PDLIM2: variants seen among roughly 807,000 people sequenced by gnomAD.
PDLIM2 encodes PDZ and LIM domain 2.
A neutral mutation model predicts 54.1 loss-of-function variants in PDLIM2; 51 were observed. The observed-to-expected ratio is 0.94, with a 90% CI of 0.75 to 1.19. The LOEUF is 1.19. Among genes scored for constraint, PDLIM2 ranks in the 50% most tolerant of loss-of-function variants. The probability of loss-of-function intolerance (pLI) is 0.00; values close to 1 mark genes in which losing one functional copy is unlikely to be tolerated. For missense variants in PDLIM2, 912 were observed against 874.0 expected, an observed-to-expected ratio of 1.04 and a Z score of -0.55; for synonymous variants, 398 against 385.6, an observed-to-expected ratio of 1.03 and a Z score of -0.38.
chr8:22,593,332 T>C lies in PDLIM2; in HGVS notation c.1632-401T>C, dbSNP rs370998030. 3.9e-4 allele frequency: 66 copies of C among 170,300 alleles called. 1 individual carries two copies. The South Asian group carries it at 9.5e-3, about 25-fold the overall frequency. The allele number at this position is 170,300 out of a possible 1,614,324, so 10.5% of individuals were successfully genotyped here. On this transcript the variant is annotated intron_variant, in intron 9 of 9. Transcript: ENST00000308354. ...TGGCTCACGCCTGTAATCCCAGCAC[T>C]CTGGGAAGCCAAGGAGGGTGGATTA...
At chr8:22,580,585 T>G in intron 1 of PDLIM2, 1 of 1,613,928 alleles carries the variant, frequency 6.2e-7, no homozygotes, top group Non-Finnish European at 8.5e-7. Context: ...CTTCACCTCC[T>G]GGTCCTCTCT....
At chr8:22,587,147 C>T (rs1800403021) in intron 6 of PDLIM2, among the ~76,000 whole-genome samples, 1 of 152,168 alleles carries the variant, frequency 6.6e-6, no homozygotes, top group East Asian at 1.9e-4. Flanking sequence ...CAGAGTGACA[C>T]CTCTGACCCT....
intron 1 of PDLIM2, chr8:22,579,682 TC>T: frequency 1.1e-6 from 1 of 927,210 alleles, no homozygotes; most frequent in Non-Finnish European, 1.5e-6. Context: ...AGCACTTGCG[TC>T]CCCAGGGCAG....
At chr8:22,593,692 G>C (rs376441554) in intron 9 of PDLIM2, 41 bp from the exon 9 acceptor site, 48 of 1,527,624 alleles carry the variant, frequency 3.1e-5, no homozygotes, top group Non-Finnish European at 4.1e-5. Flanking sequence ...CCTCCTGCTT[G>C]GTGCTGTGGC....
chr8:22,589,946 G>A, intron 8 of PDLIM2: 1 of 638,302 alleles, frequency 1.6e-6, no homozygotes, highest in Admixed American at 3.0e-5. Flanking sequence ...TCACCAGCGT[G>A]CTCCCACAGA....
chr8:22,581,242 G>C, intron 2 of PDLIM2, 137 bp from the exon 2 acceptor site: 3 of 1,134,358 alleles, frequency 2.6e-6, no homozygotes, highest in Non-Finnish European at 3.7e-6. Flanking sequence ...TGGGTGTCAT[G>C]AGCAGGCAGA....
At chr8:22,595,488 A>T (rs1279102114), downstream of PDLIM2, 2 of 152,238 alleles carry the variant, frequency 1.3e-5, no homozygotes, top group Non-Finnish European at 2.9e-5. Context: ...AGCACTCCTC[A>T]TGCCTTCCTG....
At chr8:22,579,758 C>T (rs540796544) in intron 1 of PDLIM2, 3 of 443,140 alleles carry the variant, frequency 6.8e-6, no homozygotes, top group South Asian at 5.3e-5. Context: ...CCTGGATTGG[C>T]TCCTGGCTCC....
intron 6 of PDLIM2, among the ~76,000 whole-genome samples, chr8:22,585,927 A>G (rs1800369683): frequency 6.7e-6 from 1 of 149,396 alleles, no homozygotes; most frequent in African/African-American, 2.5e-5. Context: ...TACCCCCGCC[A>G]GCTCCCCTGG....
intron 2 of PDLIM2, chr8:22,581,031 C>T (rs1800182009): frequency 7.6e-6 from 5 of 659,212 alleles, no homozygotes; most frequent in Admixed American, 2.1e-5. Context: ...GACCTGGGCC[C>T]AGGCTGGGAA....
intron 6 of PDLIM2, chr8:22,588,866 T>G: frequency 4.7e-6 from 1 of 211,916 alleles, no homozygotes; most frequent in Non-Finnish European, 9.5e-6. Flanking sequence ...CATCCCTTTA[T>G]GTTTCTATCT....
intron 6 of PDLIM2, among the ~76,000 whole-genome samples, chr8:22,586,828 G>A (rs911186365): frequency 3.3e-5 from 5 of 152,130 alleles, no homozygotes; most frequent in South Asian, 2.1e-4. Context: ...CCAAACCAGC[G>A]GCAACACCTG....
chr8:22,579,155 C>A (rs900589201), exon 1 of PDLIM2: 1 of 1,329,102 alleles, frequency 7.5e-7, no homozygotes, highest in Non-Finnish European at 9.6e-7. Context: ...GCAGCGGGAG[C>A]GGTGGCGTCT....
chr8:22,591,081 G>C (rs945254712), intron 8 of PDLIM2: 4 of 205,914 alleles, frequency 1.9e-5, no homozygotes, highest in African/African-American at 9.5e-5. Flanking sequence ...CAGTGACTTT[G>C]CCAAGGAGGC....
chr8:22,585,477 T>G, intron 6 of PDLIM2, 78 bp downstream of exon 5: 1 of 1,425,866 alleles, frequency 7.0e-7, no homozygotes, highest in South Asian at 1.2e-5. Flanking sequence ...GCCCCGGGAC[T>G]GCAGGCGGCC....
At chr8:22,582,241 C>A (rs1488925083) in intron 3 of PDLIM2, among the ~76,000 whole-genome samples, 2 of 152,230 alleles carry the variant, frequency 1.3e-5, no homozygotes, top group African/African-American at 4.8e-5. Flanking sequence ...CCTGGCCACC[C>A]CCACATTGTC....
intron 3 of PDLIM2, among the ~76,000 whole-genome samples, chr8:22,582,783 C>T (rs572243678): frequency 5.1e-4 from 78 of 151,782 alleles, no homozygotes; most frequent in African/African-American, 1.8e-3. Context: ...GGTTTCACCA[C>T]GTTGGCCAGG....
exon 9 of PDLIM2, chr8:22,591,650 A>C: frequency 6.2e-7 from 1 of 1,612,604 alleles, no homozygotes; most frequent in African/African-American, 1.3e-5. Context: ...ACTTGTGAGA[A>C]GTGCAGTACC....
exon 9 of PDLIM2, chr8:22,591,559 C>T (rs1477472897): frequency 9.9e-6 from 16 of 1,613,640 alleles, no homozygotes; most frequent in Admixed American, 3.3e-5. Flanking sequence ...AGGTGGCACG[C>T]CAGCCTTCTT....
Sources: allele counts gnomAD v4.1 joint callset (sites outside exome capture counted in the v4.1 genomes callset), GRCh38; gene constraint gnomAD v4.1.1; transcripts MANE v1.5; gene names NCBI Gene and HGNC (gene_info 2026-07-23, HGNC 2026-07-21).